SPOCK3: variants seen among roughly 807,000 people sequenced by gnomAD.
The protein encoded by SPOCK3 is testican-3.
In SPOCK3, 30 loss-of-function variants were observed where a neutral mutation model predicts 56.6. That is an observed-to-expected ratio of 0.53 (90% CI 0.40 to 0.72). The LOEUF (loss-of-function observed/expected upper bound fraction) is 0.72, where lower values mean the gene tolerates loss of function less well. SPOCK3 is among the 30% of genes least tolerant of loss of function. SPOCK3 has a pLI of 0.00. For synonymous variants in SPOCK3, 196 were observed against 183.3 expected, an observed-to-expected ratio of 1.07 and a Z score of -0.56; for missense variants, 527 against 530.0, an observed-to-expected ratio of 0.99 and a Z score of 0.06.
intron 6 of SPOCK3, among the ~76,000 whole-genome samples, chr4:166,811,446 G>C (rs1743785436): frequency 6.6e-6 from 1 of 150,562 alleles, no homozygotes; most frequent in Non-Finnish European, 1.5e-5. Context: ...TCACTCCATT[G>C]TGATTTCTTC....
At chr4:167,034,310 T>C (rs1752537229) in intron 3 of SPOCK3, among the ~76,000 whole-genome samples, 1 of 151,770 alleles carries the variant, frequency 6.6e-6, no homozygotes, top group African/African-American at 2.4e-5. Context: ...TGAGTCCATA[T>C]ACCCAAGCTG....
rs115361138 is a variant in SPOCK3, at chr4:166,981,785, C to T, written c.350+18564G>A. 2.8e-3 allele frequency among the ~76,000 whole-genome samples: 421 copies of T among 152,294 alleles called. 3 individuals are homozygous for T. Among genetic ancestry groups the T allele is most frequent in the Non-Finnish European group, 4.1e-3 (281 of 68,014 alleles). On this transcript the variant is annotated intron_variant, in intron 4 of 10. Transcript: ENST00000357545. ...ATCCATGGCACCCTGGCAGTCTACA[C>T]CAAGGGGAGCCTGCTGGCCTGCACA... is the stretch of plus-strand genomic sequence containing the variant.
rs1451020193 is a variant in SPOCK3 at position 166,754,491 on chromosome 4, A to T, written c.931+17T>A. ...TGCAGGTCAACTATTTGCGTCTGTA[A>T]GGGTCTCATCTTTTACCTTGCTGTC... On this transcript the variant is annotated intron_variant, in intron 8 of 10. Coordinates refer to ENST00000357545, the MANE Select transcript of SPOCK3 (RefSeq NM_001040159.2). 6.2e-7 allele frequency: 1 copy of T among 1,606,672 alleles called. No individual in the cohort carries two copies. The highest frequency in any genetic ancestry group is 2.2e-5 in the East Asian group (1 of 44,694).
At chr4:166,910,072 G>C (rs1205066227) in intron 5 of SPOCK3, among the ~76,000 whole-genome samples, 2 of 152,020 alleles carry the variant, frequency 1.3e-5, no homozygotes, top group Non-Finnish European at 2.9e-5. Flanking sequence ...GATTAGTAAG[G>C]ATAGTTTCAC....
intron 2 of SPOCK3, among the ~76,000 whole-genome samples, chr4:167,065,170 G>C (rs1756011009): frequency 1.3e-5 from 2 of 151,438 alleles, no homozygotes; most frequent in African/African-American, 2.4e-5. Flanking sequence ...ACAGCTACCA[G>C]TGGCAACACC....
intron 6 of SPOCK3, among the ~76,000 whole-genome samples, chr4:166,800,317 C>T (rs1380173419): frequency 6.6e-6 from 1 of 150,826 alleles, no homozygotes; most frequent in East Asian, 2.0e-4. Flanking sequence ...ATAAACCAAG[C>T]AAACCAATAT....
chr4:167,089,357 A>G (rs1465977873), intron 2 of SPOCK3, among the ~76,000 whole-genome samples: 2 of 151,976 alleles, frequency 1.3e-5, no homozygotes, highest in Non-Finnish European at 2.9e-5. Context: ...ATTCTATCTT[A>G]CTCTTTAAAT....
At chr4:167,030,484 T>C (rs753278541) in intron 3 of SPOCK3, among the ~76,000 whole-genome samples, 1 of 152,098 alleles carries the variant, frequency 6.6e-6, no homozygotes, top group Non-Finnish European at 1.5e-5. Context: ...AGGTATTGAC[T>C]GTTGGCCAAA....
intron 6 of SPOCK3, among the ~76,000 whole-genome samples, chr4:166,798,404 T>C (rs989315218): frequency 6.6e-6 from 1 of 152,166 alleles, no homozygotes; most frequent in Non-Finnish European, 1.5e-5. Context: ...GTTAGAGTGA[T>C]TGTCATGGAG....
chr4:166,767,609 C>T (rs1051666620), intron 7 of SPOCK3, among the ~76,000 whole-genome samples: 5 of 152,138 alleles, frequency 3.3e-5, no homozygotes, highest in Non-Finnish European at 5.9e-5. Flanking sequence ...TTCCTTCCAA[C>T]TAAGTGGTGA....
chr4:167,035,264 C>T (rs957373122), intron 3 of SPOCK3, among the ~76,000 whole-genome samples: 23 of 152,106 alleles, frequency 1.5e-4, no homozygotes, highest in Admixed American at 5.2e-4. Context: ...GTTATTGTTG[C>T]TGTCGTGAGT....
intron 7 of SPOCK3, among the ~76,000 whole-genome samples, chr4:166,763,709 T>G (rs1560828624): frequency 6.6e-6 from 1 of 151,744 alleles, no homozygotes; most frequent in Non-Finnish European, 1.5e-5. Flanking sequence ...TGTAAAGTGT[T>G]AACAATATTA....
At chr4:166,878,939 A>C (rs1291887285) in intron 6 of SPOCK3, among the ~76,000 whole-genome samples, 1 of 152,166 alleles carries the variant, frequency 6.6e-6, no homozygotes, top group African/African-American at 2.4e-5. Context: ...CATTTAAATA[A>C]TACATGCAGC....
chr4:167,115,288 A>G lies in SPOCK3; in HGVS notation c.190-52751T>C, dbSNP rs1761239773. Among the ~76,000 whole-genome samples the G allele has an allele frequency of 2.0e-5, 3 of 151,842 alleles. No individual in the cohort carries two copies. The South Asian group carries it at 6.2e-4, about 32-fold the overall frequency. On this transcript the variant is annotated intron_variant, in intron 2 of 10. Coordinates refer to ENST00000357545, the MANE Select transcript of SPOCK3 (RefSeq NM_001040159.2). ...ACCAAGGCTGTATGTCCCGCAAAGT[A>G]AAAGATATTTGCTATCTGGCCTTGT...
At chr4:167,110,753 C>G (rs1435484586) in intron 2 of SPOCK3, among the ~76,000 whole-genome samples, 3 of 151,814 alleles carry the variant, frequency 2.0e-5, no homozygotes, top group Non-Finnish European at 2.9e-5. Flanking sequence ...CCCCAAATTC[C>G]AGGAAACTTT....
intron 8 of SPOCK3, chr4:166,754,258 A>G (rs1203217394): frequency 2.1e-5 from 25 of 1,165,288 alleles, no homozygotes; most frequent in Non-Finnish European, 2.6e-5. Context: ...GTGGCTCATA[A>G]TGGAAACTAT....
chr4:167,199,225 TTGTGTGTGTGTGTGTGTGTG>T (rs58765976), intron 2 of SPOCK3, among the ~76,000 whole-genome samples: 24 of 141,976 alleles, frequency 1.7e-4, no homozygotes, highest in Admixed American at 1.4e-3. Context: ...AAATATTTGT[TTGTGTGTGTGTGTGTGTGTG>T]TGTGTGTGTG....
At chr4:166,794,265 G>C (rs9637685) in intron 6 of SPOCK3, among the ~76,000 whole-genome samples, 38,202 of 145,060 alleles carry the variant, frequency 0.26, 5,087 homozygotes, top group East Asian at 0.33. Flanking sequence ...TGCTTACACT[G>C]TAGCCTGCTG....
At chr4:166,957,014 G>C (rs1743572676) in intron 4 of SPOCK3, among the ~76,000 whole-genome samples, 1 of 152,166 alleles carries the variant, frequency 6.6e-6, no homozygotes, top group South Asian at 2.1e-4. Flanking sequence ...AACAACTGGG[G>C]AGGCAGAGAC....
Sources: gnomAD v4.1 joint callset for allele counts (sites outside exome capture counted in the v4.1 genomes callset) on GRCh38, gnomAD v4.1.1 for gene constraint, MANE v1.5 for transcripts, NCBI Gene and HGNC (gene_info 2026-07-23, HGNC 2026-07-21) for gene names.